Variants in FRS2 observed in about 807,000 individuals in gnomAD.
FRS2 encodes the protein FGFR signalling adaptor.
In FRS2, 8 loss-of-function variants were observed where a neutral mutation model predicts 43.9. The observed-to-expected ratio is 0.18, with a 90% confidence interval of 0.11 to 0.33. The LOEUF (loss-of-function observed/expected upper bound fraction) is 0.33. Ranked by LOEUF, FRS2 falls within the 10% of genes least tolerant of loss-of-function variation. The pLI, the probability that FRS2 is intolerant of heterozygous loss-of-function variation, is 1.00. For synonymous variants in FRS2, 219 were observed against 220.3 expected (o/e 0.99, Z 0.05); for missense variants, 534 against 627.6 (o/e 0.85, Z 1.59).
intron 3 of FRS2, among the ~76,000 whole-genome samples, chr12:69,545,690 A>G (rs1277302861): frequency 7.4e-6 from 1 of 134,642 alleles, no homozygotes; most frequent in Non-Finnish European, 1.5e-5. Context: ...CAGGAGATGG[A>G]GGTTGCAGTG....
intron 3 of FRS2, among the ~76,000 whole-genome samples, chr12:69,541,562 A>G (rs1408105410): frequency 6.6e-6 from 1 of 152,164 alleles, no homozygotes; most frequent in Non-Finnish European, 1.5e-5. Context: ...GCAGTGGCTC[A>G]CACCTGTAAT....
chr12:69,516,175 A>T (rs999936638), intron 1 of FRS2, among the ~76,000 whole-genome samples: 2 of 151,556 alleles, frequency 1.3e-5, no homozygotes, highest in Admixed American at 6.6e-5. Flanking sequence ...ATGGGCAGAT[A>T]TATTTTTGTA....
At chr12:69,555,836 A>G (rs958724508) in intron 3 of FRS2, among the ~76,000 whole-genome samples, 64 of 152,224 alleles carry the variant, frequency 4.2e-4, no homozygotes, top group African/African-American at 1.4e-3. Flanking sequence ...GCACTGCTCT[A>G]GAAGTAGAGA....
chr12:69,569,070 C>G lies in FRS2; in HGVS notation c.40C>G (p.Pro14Ala), dbSNP rs1217704464. 4 of 1,611,304 alleles carry G rather than the reference C, an allele frequency of 2.5e-6. No individual in the cohort carries two copies. Among genetic ancestry groups the G allele is most frequent in the Non-Finnish European group, 3.4e-6 (4 of 1,178,046 alleles). ...CCSCPDKDTV[P>A]DNHRNKFKVI... ...TAGCTGTCCAGATAAAGACACTGTC[C>G]CAGATAACCATCGGAACAAGTTTAA... Residue 14 changes from proline (P) to alanine (A), a missense_variant, in exon 5 of 9, where the codon CCA (proline) becomes GCA (alanine). Coordinates refer to ENST00000549921, the MANE Select transcript of FRS2 (RefSeq NM_001278356.2).
rs1243279349 is a variant in FRS2 at position 69,576,506 on chromosome 12, A to AT, written c.*1555dup. 1 of 152,134 alleles carries AT rather than the reference A, an allele frequency of 6.6e-6. No homozygotes were observed. Among genetic ancestry groups the AT allele is most frequent in the African/African-American group, 2.4e-5 (1 of 41,440 alleles). The allele number at this position is 152,134 out of a possible 1,614,324, so 9.4% of individuals were successfully genotyped here. A position where few individuals can be genotyped will look rare whatever the true frequency, so the allele number is the denominator to read the frequency against. On this transcript the variant is annotated 3_prime_UTR_variant, in exon 9 of 9. Coordinates refer to ENST00000549921, the MANE Select transcript of FRS2 (RefSeq NM_001278356.2). ...AAAAGGTTAGGTAACCTTGCAAAAT[A>AT]TTTTACTATTTTCTCTAAATATGAG...
At chr12:69,530,647 G>T (rs981520739) in intron 1 of FRS2, among the ~76,000 whole-genome samples, 1 of 152,128 alleles carries the variant, frequency 6.6e-6, no homozygotes, top group Non-Finnish European at 1.5e-5. Flanking sequence ...GAAGGCTGAG[G>T]TGGGAGGATC....
chr12:69,523,564 G>A (rs1875900419), intron 1 of FRS2, among the ~76,000 whole-genome samples: 1 of 152,098 alleles, frequency 6.6e-6, no homozygotes, highest in South Asian at 2.1e-4. Context: ...GGGGTAGTTA[G>A]CCTATTAACA....
intron 3 of FRS2, among the ~76,000 whole-genome samples, chr12:69,540,477 G>A (rs1366955771): frequency 6.6e-6 from 1 of 151,980 alleles, no homozygotes; most frequent in Non-Finnish European, 1.5e-5. Context: ...GTATAAAGTA[G>A]TATTGAATTA....
chr12:69,536,164 A>G (rs710783), intron 3 of FRS2, among the ~76,000 whole-genome samples: 13,434 of 105,960 alleles, frequency 0.13, 1,072 homozygotes, highest in Middle Eastern at 0.26. Flanking sequence ...TTACTCTGTT[A>G]CCCAGGCTGG....
At chr12:69,532,900 C>T (rs1593003178) in intron 3 of FRS2, among the ~76,000 whole-genome samples, 1 of 152,316 alleles carries the variant, frequency 6.6e-6, no homozygotes, top group East Asian at 1.9e-4. Context: ...AATTATACAT[C>T]AGGTAACATA....
intron 3 of FRS2, among the ~76,000 whole-genome samples, chr12:69,536,069 A>G (rs1051812122): frequency 9.0e-6 from 1 of 110,538 alleles, no homozygotes; most frequent in African/African-American, 3.3e-5. Flanking sequence ...TAGCTAGTAT[A>G]GTTTTCTTTT....
At chr12:69,561,848 G>A (rs1459149083) in intron 3 of FRS2, among the ~76,000 whole-genome samples, 1 of 152,132 alleles carries the variant, frequency 6.6e-6, no homozygotes, top group Non-Finnish European at 1.5e-5. Context: ...GAACCTTAGA[G>A]GTGGTTTAAT....
In FRS2 at chr12:69,480,972, T is replaced by A. The variant is rs368110078; in HGVS notation, c.-261+10442T>A. On this transcript the variant is annotated intron_variant, in intron 1 of 8. Coordinates refer to ENST00000549921, the MANE Select transcript of FRS2 (RefSeq NM_001278356.2). ...TGATTTTTAGTAGTACTTAAAAATT[T>A]TATTCCTTAGAGCTTATAAGTAACC... Among the ~76,000 whole-genome samples the A allele has an allele frequency of 1.1e-4, 16 of 152,334 alleles. No homozygotes were observed. The East Asian group carries it at 2.5e-3, about 24-fold the overall frequency.
In FRS2 at chr12:69,579,779, G is replaced by T. The variant is rs1384635604; in HGVS notation, c.*4824G>T. ...AAAACCCCAATAAAACGTTTGGTCG[G>T]ATATCTACTTAAAAGTTTTATTGTA... is the stretch of plus-strand genomic sequence containing the variant. On this transcript the variant is annotated 3_prime_UTR_variant, in exon 9 of 9. Transcript: ENST00000549921. 6.6e-6 allele frequency: 1 copy of T among 152,120 alleles called. No homozygotes were observed. Among genetic ancestry groups the T allele is most frequent in the Non-Finnish European group, 1.5e-5 (1 of 68,030 alleles). 9.4% of individuals were successfully genotyped at this position (152,120 alleles called of 1,614,324 possible).
intron 3 of FRS2, among the ~76,000 whole-genome samples, chr12:69,544,770 A>G (rs140503176): frequency 6.6e-6 from 1 of 152,292 alleles, no homozygotes; most frequent in East Asian, 1.9e-4. Flanking sequence ...AAAGCCATAT[A>G]TGAAAAATAC....
At chr12:69,500,644 T>C (rs756563000) in intron 1 of FRS2, among the ~76,000 whole-genome samples, 1 of 152,196 alleles carries the variant, frequency 6.6e-6, no homozygotes, top group Non-Finnish European at 1.5e-5. Context: ...TAAATGACAT[T>C]TGTAGATACA....
chr12:69,536,102 T>A (rs867306456), intron 3 of FRS2, among the ~76,000 whole-genome samples: 1 of 21,814 alleles, frequency 4.6e-5, no homozygotes, highest in Non-Finnish European at 8.8e-5. Flanking sequence ...ATTTTCATTC[T>A]TTTTTTTTTT....
intron 1 of FRS2, among the ~76,000 whole-genome samples, chr12:69,526,797 C>T (rs1488764941): frequency 1.3e-5 from 2 of 151,868 alleles, no homozygotes; most frequent in Non-Finnish European, 1.5e-5. Context: ...GATCTCGGCT[C>T]ACTGCAATCT....
At chr12:69,486,320 C>CTTTTTTTT (rs1188882614) in intron 1 of FRS2, 1 of 151,996 alleles carries the variant, frequency 6.6e-6, no homozygotes, top group African/African-American at 2.4e-5. Flanking sequence ...GTATTTCAAA[C>CTTTTTTTT]TTTTTATCAT....
Sources: allele counts gnomAD v4.1 joint callset (sites outside exome capture counted in the v4.1 genomes callset), GRCh38; gene constraint gnomAD v4.1.1; transcripts MANE v1.5; gene names NCBI Gene and HGNC (gene_info 2026-07-23, HGNC 2026-07-21).